SLC12A8: variants seen among roughly 807,000 people sequenced by gnomAD.
SLC12A8 encodes cation-chloride cotransporter 9.
Under a neutral mutation model 75.6 loss-of-function variants are expected in SLC12A8, and 69 were observed. The observed-to-expected ratio is 0.91, with a 90% confidence interval of 0.75 to 1.11. The LOEUF is 1.11. Ranked by LOEUF, SLC12A8 falls within the 50% of genes most tolerant of loss-of-function variation. The pLI is 0.00. For missense variants in SLC12A8, 877 were observed against 896.7 expected (o/e 0.98, Z 0.28); for synonymous variants, 365 against 372.8 (o/e 0.98, Z 0.24).
At chr3:125,195,932 G>T (rs1361840293) in intron 2 of SLC12A8, among the ~76,000 whole-genome samples, 1 of 152,144 alleles carries the variant, frequency 6.6e-6, no homozygotes, top group East Asian at 1.9e-4. Context: ...CTGCCGCTAG[G>T]AAGTCTACCT....
intron 4 of SLC12A8, among the ~76,000 whole-genome samples, chr3:125,183,426 C>T (rs1005586940): frequency 2.0e-5 from 3 of 152,066 alleles, no homozygotes; most frequent in East Asian, 1.9e-4. Flanking sequence ...GGGTGTAATG[C>T]TTCCATTCCA....
At chr3:125,102,659 T>C (rs915694353) in intron 10 of SLC12A8, among the ~76,000 whole-genome samples, 4 of 152,106 alleles carry the variant, frequency 2.6e-5, no homozygotes, top group Non-Finnish European at 4.4e-5. Context: ...ATGACATTTC[T>C]AAGACTAGGC....
intron 3 of SLC12A8, among the ~76,000 whole-genome samples, chr3:125,189,025 C>T (rs146788265): frequency 2.8e-4 from 42 of 152,294 alleles, no homozygotes; most frequent in South Asian, 1.7e-3. Flanking sequence ...GGCTAGACTA[C>T]GGCAACTAAT....
intron 13 of SLC12A8, among the ~76,000 whole-genome samples, chr3:125,084,962 T>C (rs986393986): frequency 6.6e-6 from 1 of 152,232 alleles, no homozygotes; most frequent in Non-Finnish European, 1.5e-5. Context: ...ATGGAATACA[T>C]TTGAGAGTTG....
chr3:125,091,644 T>C, intron 11 of SLC12A8, 88 bp from the exon 12 acceptor site: 1 of 831,404 alleles, frequency 1.2e-6, no homozygotes, highest in South Asian at 1.4e-5. Flanking sequence ...AGCAACAACA[T>C]TCCCTCTCAT....
chr3:125,165,139 T>C (rs1934258268), intron 5 of SLC12A8, among the ~76,000 whole-genome samples: 1 of 152,136 alleles, frequency 6.6e-6, no homozygotes, highest in African/African-American at 2.4e-5. Context: ...ACCATCATCA[T>C]GAGGGTCACA....
intron 6 of SLC12A8, among the ~76,000 whole-genome samples, chr3:125,124,875 G>A (rs1428413262): frequency 6.6e-6 from 1 of 152,178 alleles, no homozygotes; most frequent in Non-Finnish European, 1.5e-5. Context: ...ATTAAGGTTA[G>A]AGTTACATTT....
chr3:125,105,954 C>T (rs918781323), intron 10 of SLC12A8, among the ~76,000 whole-genome samples: 8 of 152,208 alleles, frequency 5.3e-5, no homozygotes, highest in African/African-American at 1.7e-4. Flanking sequence ...CGCTTGAACC[C>T]GGGAGGTGGA....
Position 125,177,741 on chromosome 3 carries a change from A to G in SLC12A8, c.622+2T>C. On this transcript the variant is annotated splice_donor_variant, in intron 5 of 13. Coordinates refer to ENST00000469902, the MANE Select transcript of SLC12A8 (RefSeq NM_024628.6). LOFTEE classifies it high-confidence loss of function. ...CCACATACTGGACTCTGAAAGGCTT[A>G]CCTGGGTCCAGGTGGGTGAAAGAAC... 6.2e-7 allele frequency: 1 copy of G among 1,613,212 alleles called. No individual in the cohort carries two copies. Among genetic ancestry groups the G allele is most frequent in the South Asian group, 1.1e-5 (1 of 91,022 alleles).
At chr3:125,142,123 C>G (rs1933664602) in intron 5 of SLC12A8, among the ~76,000 whole-genome samples, 1 of 152,208 alleles carries the variant, frequency 6.6e-6, no homozygotes, top group Non-Finnish European at 1.5e-5. Flanking sequence ...CGCGGCCTCA[C>G]GGAGACGGGG....
intron 8 of SLC12A8, among the ~76,000 whole-genome samples, chr3:125,116,432 C>G (rs1323469796): frequency 1.3e-5 from 2 of 152,178 alleles, no homozygotes; most frequent in African/African-American, 4.8e-5. Flanking sequence ...GCAGGTGCCC[C>G]CAGCTGGCTA....
chr3:125,118,039 G>A (rs1939355817), intron 8 of SLC12A8, among the ~76,000 whole-genome samples: 1 of 152,258 alleles, frequency 6.6e-6, no homozygotes, highest in Non-Finnish European at 1.5e-5. Context: ...ACGTCTGCCT[G>A]TCCAGCCTCC....
intron 5 of SLC12A8, among the ~76,000 whole-genome samples, chr3:125,153,449 C>A (rs900927726): frequency 1.3e-5 from 2 of 152,092 alleles, no homozygotes; most frequent in African/African-American, 2.4e-5. Flanking sequence ...TTCAGAAACA[C>A]CAAAGGATGG....
intron 5 of SLC12A8, among the ~76,000 whole-genome samples, chr3:125,163,060 T>C (rs570881143): frequency 5.8e-4 from 89 of 152,204 alleles, no homozygotes; most frequent in Non-Finnish European, 6.6e-4. Flanking sequence ...TCCCAGCCCT[T>C]TGGGAGGCCA....
At chr3:125,194,470 G>A (rs965888837) in intron 2 of SLC12A8, among the ~76,000 whole-genome samples, 3 of 152,168 alleles carry the variant, frequency 2.0e-5, no homozygotes, top group Non-Finnish European at 2.9e-5. Flanking sequence ...GTCTAGAAAG[G>A]TGGGGAAGTT....
rs1252328873 is a variant in SLC12A8 at position 125,104,248 on chromosome 3, G to C, written c.1705+3233C>G. On this transcript the variant is annotated intron_variant, in intron 10 of 13. Coordinates refer to ENST00000469902, the MANE Select transcript of SLC12A8 (RefSeq NM_024628.6). ...AGCCTCTGGAGTAGCCGGGGCTACA[G>C]GCATATGCCACTATGCCCAGCTAAC... Among the ~76,000 whole-genome samples the C allele has an allele frequency of 2.6e-5, 4 of 152,206 alleles. No homozygotes were observed. The East Asian group carries it at 7.7e-4, about 29-fold the overall frequency.
intron 5 of SLC12A8, among the ~76,000 whole-genome samples, chr3:125,138,610 A>G (rs940229685): frequency 1.3e-5 from 2 of 152,212 alleles, no homozygotes; most frequent in Non-Finnish European, 2.9e-5. Context: ...CATGTAAGAA[A>G]CAGCTAGAAG....
intron 8 of SLC12A8, 72 bp downstream of exon 8, chr3:125,118,697 G>T: frequency 9.5e-7 from 1 of 1,055,684 alleles, no homozygotes; most frequent in Non-Finnish European, 1.5e-6. Flanking sequence ...GGGGAAGGTG[G>T]CCATTTGTTG....
chr3:125,096,453 A>G (rs1938714607), intron 10 of SLC12A8, among the ~76,000 whole-genome samples: 1 of 151,728 alleles, frequency 6.6e-6, no homozygotes, highest in Non-Finnish European at 1.5e-5. Context: ...ATGTTCCCCC[A>G]GCACTTGGGA....
Sources: allele counts gnomAD v4.1 joint callset (sites outside exome capture counted in the v4.1 genomes callset), GRCh38; gene constraint gnomAD v4.1.1; transcripts MANE v1.5; gene names NCBI Gene and HGNC (gene_info 2026-07-23, HGNC 2026-07-21).